The following DPP10 variants were observed in gnomAD, a reference collection of about 807,000 sequenced individuals.
DPP10 encodes the protein inactive dipeptidyl peptidase 10.
A neutral mutation model predicts 120.9 loss-of-function variants in DPP10; 33 were observed. That is an observed-to-expected ratio of 0.27 (90% confidence interval 0.21 to 0.37). DPP10 has a LOEUF of 0.37. Among genes scored for constraint, DPP10 ranks in the 10% least tolerant of loss-of-function variants. DPP10 has a pLI of 1.00. For synonymous variants in DPP10, 337 were observed against 326.1 expected (o/e 1.03, Z -0.36); for missense variants, 816 against 942.8 (o/e 0.87, Z 1.76).
At chr2:115,683,870 G>C (rs1414370971) in intron 5 of DPP10, among the ~76,000 whole-genome samples, 6 of 151,730 alleles carry the variant, frequency 4.0e-5, no homozygotes, top group Non-Finnish European at 8.9e-5. Flanking sequence ...TAGTAGAAAA[G>C]CCATGGATTT....
chr2:114,985,054 G>T (rs1700312597), intron 1 of DPP10, among the ~76,000 whole-genome samples: 1 of 152,186 alleles, frequency 6.6e-6, no homozygotes, highest in Non-Finnish European at 1.5e-5. Flanking sequence ...TATGTTAGAA[G>T]AAAGTTCAAA....
intron 1 of DPP10, among the ~76,000 whole-genome samples, chr2:115,150,961 TAC>T (rs891372178): frequency 1.3e-5 from 2 of 152,316 alleles, no homozygotes; most frequent in African/African-American, 4.8e-5. Context: ...AATTTAAAAT[TAC>T]ACACTTTTTT....
At chr2:114,568,180 T>C (rs1689354616) in intron 1 of DPP10, among the ~76,000 whole-genome samples, 1 of 152,122 alleles carries the variant, frequency 6.6e-6, no homozygotes, top group Non-Finnish European at 1.5e-5. Flanking sequence ...CTTTTATTGA[T>C]ACACACTATT....
At chr2:115,056,763 C>G (rs1490013968) in intron 1 of DPP10, among the ~76,000 whole-genome samples, 1 of 152,116 alleles carries the variant, frequency 6.6e-6, no homozygotes, top group Non-Finnish European at 1.5e-5. Flanking sequence ...GACTCCAAGA[C>G]AGAAGATGTG....
At chr2:115,455,103 A>G (rs2073418595) in intron 3 of DPP10, among the ~76,000 whole-genome samples, 1 of 151,616 alleles carries the variant, frequency 6.6e-6, no homozygotes, top group African/African-American at 2.4e-5. Context: ...AATATAAATA[A>G]AAAAGATTAA....
intron 1 of DPP10, among the ~76,000 whole-genome samples, chr2:114,450,511 G>T (rs926643693): frequency 6.6e-6 from 1 of 151,638 alleles, no homozygotes; most frequent in Non-Finnish European, 1.5e-5. Context: ...TTAAATAAAA[G>T]AACAAAAAGA....
At chr2:115,057,667 C>G (rs1336229159) in intron 1 of DPP10, among the ~76,000 whole-genome samples, 1 of 152,112 alleles carries the variant, frequency 6.6e-6, no homozygotes, top group Non-Finnish European at 1.5e-5. Context: ...CAGCAAGAAA[C>G]CAAGGATGTG....
At chr2:114,689,380 G>C (rs1346237803) in intron 1 of DPP10, among the ~76,000 whole-genome samples, 1 of 151,830 alleles carries the variant, frequency 6.6e-6, no homozygotes, top group Non-Finnish European at 1.5e-5. Context: ...ATGGCTTCTA[G>C]CTCCATCCAT....
At chr2:114,535,314 C>G (rs960444209) in intron 1 of DPP10, among the ~76,000 whole-genome samples, 9 of 151,956 alleles carry the variant, frequency 5.9e-5, no homozygotes, top group African/African-American at 1.9e-4. Flanking sequence ...ATTTAGATAC[C>G]CTTTCCTTAT....
chr2:114,785,229 G>T (rs1277252785), intron 1 of DPP10, among the ~76,000 whole-genome samples: 2 of 150,384 alleles, frequency 1.3e-5, no homozygotes, highest in Non-Finnish European at 3.0e-5. Flanking sequence ...GAGGCGATGA[G>T]AATAGGGCAT....
At chr2:114,644,866 G>A (rs1394491638) in intron 1 of DPP10, among the ~76,000 whole-genome samples, 1 of 151,806 alleles carries the variant, frequency 6.6e-6, no homozygotes, top group Non-Finnish European at 1.5e-5. Context: ...CTGATCGAGT[G>A]GGTAAAAAAA....
chr2:114,842,430 A>C (rs149261563), intron 1 of DPP10, among the ~76,000 whole-genome samples: 1 of 152,086 alleles, frequency 6.6e-6, no homozygotes, highest in South Asian at 2.1e-4. Flanking sequence ...GATGATCAGG[A>C]GATGAGTGAC....
intron 1 of DPP10, among the ~76,000 whole-genome samples, chr2:115,276,427 G>A (rs762753949): frequency 3.3e-5 from 5 of 152,142 alleles, no homozygotes; most frequent in Non-Finnish European, 5.9e-5. Flanking sequence ...AAAAAAAGGA[G>A]ATGGGTTTCT....
chr2:115,402,820 A>G (rs1454684568), intron 3 of DPP10, among the ~76,000 whole-genome samples: 1 of 142,868 alleles, frequency 7.0e-6, no homozygotes, highest in African/African-American at 2.6e-5. Context: ...ACAACACCAA[A>G]GGCAGACAAG....
intron 5 of DPP10, among the ~76,000 whole-genome samples, chr2:115,560,413 T>A (rs558085772): frequency 2.0e-3 from 52 of 25,916 alleles, no homozygotes; most frequent in African/African-American, 3.2e-3. Context: ...AATATATATA[T>A]ATATATATAT....
At chr2:115,255,103 T>C (rs1016408034) in intron 1 of DPP10, among the ~76,000 whole-genome samples, 1 of 152,252 alleles carries the variant, frequency 6.6e-6, no homozygotes, top group Admixed American at 6.5e-5. Context: ...ATGAAGGCTC[T>C]GTCTGTGCAG....
chr2:114,497,384 T>C (rs62173073), intron 1 of DPP10, among the ~76,000 whole-genome samples: 2 of 137,110 alleles, frequency 1.5e-5, no homozygotes, highest in East Asian at 2.2e-4. Flanking sequence ...CATATACATA[T>C]ACATACACAT....
chr2:114,735,234 T>C (rs146181009), intron 1 of DPP10, among the ~76,000 whole-genome samples: 1 of 152,196 alleles, frequency 6.6e-6, no homozygotes, highest in East Asian at 1.9e-4. Flanking sequence ...ATAGCAACAG[T>C]GAGAAAAAGC....
chr2:115,425,915 G>A (rs972494714), intron 3 of DPP10, among the ~76,000 whole-genome samples: 1 of 152,140 alleles, frequency 6.6e-6, no homozygotes, highest in African/African-American at 2.4e-5. Flanking sequence ...AGGAAGAAAG[G>A]GGAAGGCGCC....
Sources: allele counts gnomAD v4.1 joint callset (sites outside exome capture counted in the v4.1 genomes callset), GRCh38; gene constraint gnomAD v4.1.1; transcripts MANE v1.5; gene names NCBI Gene and HGNC (gene_info 2026-07-23, HGNC 2026-07-21).